The following MACROD2 variants were observed in gnomAD, a reference collection of about 807,000 sequenced individuals.
MACROD2 encodes the protein ADP-ribose glycohydrolase MACROD2.
A neutral mutation model predicts 70.4 loss-of-function variants in MACROD2; 36 were observed. That is an observed-to-expected ratio of 0.51 (90% CI 0.39 to 0.68). The LOEUF (loss-of-function observed/expected upper bound fraction) is 0.68. Ranked by LOEUF, MACROD2 falls within the 30% of genes least tolerant of loss-of-function variation. The pLI, the probability that MACROD2 is intolerant of heterozygous loss-of-function variation, is 0.00. For missense variants in MACROD2, 496 were observed against 538.4 expected (o/e 0.92, Z 0.78); for synonymous variants, 172 against 178.8 (o/e 0.96, Z 0.30).
intron 5 of MACROD2, among the ~76,000 whole-genome samples, chr20:15,105,571 G>A (rs926890266): frequency 1.3e-5 from 2 of 152,068 alleles, no homozygotes; most frequent in Non-Finnish European, 2.9e-5. Flanking sequence ...GGGAACATAT[G>A]TGCCCTCTAA....
At chr20:15,948,793 A>G (rs2065865154) in intron 12 of MACROD2, among the ~76,000 whole-genome samples, 1 of 152,206 alleles carries the variant, frequency 6.6e-6, no homozygotes, top group Non-Finnish European at 1.5e-5. Context: ...TTTCCTTACT[A>G]ATTAAGTATG....
intron 5 of MACROD2, among the ~76,000 whole-genome samples, chr20:14,801,774 T>TCTA (rs1452068622): frequency 1.3e-5 from 2 of 152,076 alleles, no homozygotes; most frequent in Non-Finnish European, 2.9e-5. Flanking sequence ...ACTGGACACC[T>TCTA]CTACTGTTCT....
chr20:15,445,522 A>G (rs889471374), intron 7 of MACROD2, among the ~76,000 whole-genome samples: 1 of 152,186 alleles, frequency 6.6e-6, no homozygotes, highest in Non-Finnish European at 1.5e-5. Flanking sequence ...GTGTTGTAAG[A>G]CAGCAGATTC....
chr20:14,359,726 G>A (rs966774187), intron 3 of MACROD2, among the ~76,000 whole-genome samples: 3 of 152,100 alleles, frequency 2.0e-5, no homozygotes, highest in Non-Finnish European at 4.4e-5. Context: ...GCCTGACATG[G>A]TGGCACACAC....
chr20:14,900,309 A>G (rs562680344), intron 5 of MACROD2, among the ~76,000 whole-genome samples: 1 of 152,226 alleles, frequency 6.6e-6, no homozygotes, highest in East Asian at 1.9e-4. Flanking sequence ...TTAGTATCCG[A>G]ATAATACTGG....
intron 8 of MACROD2, among the ~76,000 whole-genome samples, chr20:15,748,366 TCCTC>T (rs773589941): frequency 8.4e-6 from 1 of 119,498 alleles, no homozygotes. Context: ...CTTCCTTCCT[TCCTC>T]CCTTCCTTCT....
chr20:15,621,882 T>C (rs780900610), intron 8 of MACROD2, among the ~76,000 whole-genome samples: 9 of 152,212 alleles, frequency 5.9e-5, no homozygotes, highest in Non-Finnish European at 8.8e-5. Context: ...CAGGGTTTAA[T>C]TGGGTTTTGT....
chr20:14,230,654 T>TATATATATATATATATATATATATAAAA lies in MACROD2; in HGVS notation c.271+144927_271+144928insTATATATATATATATATATATATAAAAA. ...GTTTATATATATATATATATATATA[T>TATATATATATATATATATATATATAAAA]AACACAGGCTGGGCCTATATATATA... On this transcript the variant is annotated intron_variant, in intron 3 of 17. Transcript: ENST00000684519. Among the ~76,000 whole-genome samples the TATATATATATATATATATATATATAAAA allele has an allele frequency of 2.3e-4, 17 of 74,236 alleles. 1 individual carries two copies. The highest frequency in any genetic ancestry group is 9.4e-4 in the African/African-American group (14 of 14,818). The allele number at this position is 74,236 out of a possible 152,430, so 48.7% of individuals were successfully genotyped here. A position where few individuals can be genotyped will look rare whatever the true frequency, so the allele number is the denominator to read the frequency against.
chr20:14,290,476 G>C lies in MACROD2; in HGVS notation c.272-203003G>C, dbSNP rs146698065. ...CAGCCAACCTCAGATCAAAAGGGAT[G>C]GAATCTCAGGAGACTGACCAAGGTA... On this transcript the variant is annotated intron_variant, in intron 3 of 17. Coordinates refer to ENST00000684519, the MANE Select transcript of MACROD2 (RefSeq NM_001351661.2). Among the ~76,000 whole-genome samples the C allele has an allele frequency of 2.4e-3, 362 of 151,416 alleles. 4 individuals are homozygous for C. Among genetic ancestry groups the C allele is most frequent in the South Asian group, 0.014 (66 of 4,794 alleles).
chr20:14,700,642 A>G (rs2071186342), intron 5 of MACROD2, among the ~76,000 whole-genome samples: 1 of 151,916 alleles, frequency 6.6e-6, no homozygotes, highest in Non-Finnish European at 1.5e-5. Flanking sequence ...ATTTTATTCC[A>G]TTCTATCCAC....
intron 4 of MACROD2, among the ~76,000 whole-genome samples, chr20:14,682,568 C>G (rs1469098429): frequency 6.6e-6 from 1 of 151,734 alleles, no homozygotes; most frequent in Non-Finnish European, 1.5e-5. Flanking sequence ...CTTTTCTAAA[C>G]CTGGCATTTT....
At chr20:14,295,208 A>G (rs908652701) in intron 3 of MACROD2, among the ~76,000 whole-genome samples, 1 of 151,850 alleles carries the variant, frequency 6.6e-6, no homozygotes, top group Non-Finnish European at 1.5e-5. Context: ...AACACTCTTT[A>G]TTACTCTTGG....
chr20:14,382,339 C>T (rs1277920671), intron 3 of MACROD2, among the ~76,000 whole-genome samples: 1 of 138,474 alleles, frequency 7.2e-6, no homozygotes, highest in Admixed American at 7.0e-5. Flanking sequence ...GGATTATAGG[C>T]GTGAGCCACC....
At position 14,848,392 on chromosome 20, in the gene MACROD2, A is replaced by G. The variant is rs563989192; in HGVS notation, c.418+163433A>G. Among the ~76,000 whole-genome samples the G allele has an allele frequency of 5.6e-4, 85 of 152,316 alleles. 2 individuals carry two copies. In the South Asian group the frequency reaches 0.015, roughly 27 times the overall value. On this transcript the variant is annotated intron_variant, in intron 5 of 17. Transcript: ENST00000684519. ...CTCTCCTTTTAGATCTTCTCAAGGC[A>G]TCCTCTGAGTTTATAAAACAGAGAG... is the stretch of plus-strand genomic sequence containing the variant.
chr20:14,264,435 A>T (rs931969020), intron 3 of MACROD2, among the ~76,000 whole-genome samples: 1 of 152,176 alleles, frequency 6.6e-6, no homozygotes, highest in African/African-American at 2.4e-5. Context: ...CATACTAGGT[A>T]ATTGAGAGCT....
At chr20:14,582,995 T>A (rs1443693757) in intron 4 of MACROD2, among the ~76,000 whole-genome samples, 1 of 152,096 alleles carries the variant, frequency 6.6e-6, no homozygotes, top group Non-Finnish European at 1.5e-5. Flanking sequence ...GTGCATGTGG[T>A]TGAGTGTGCA....
At chr20:15,026,830 C>T (rs2075235665) in intron 5 of MACROD2, among the ~76,000 whole-genome samples, 1 of 152,154 alleles carries the variant, frequency 6.6e-6, no homozygotes, top group Non-Finnish European at 1.5e-5. Flanking sequence ...CTAGGGCACT[C>T]AGTCTGGAGG....
Position 15,462,394 on chromosome 20 carries a change from T to A in MACROD2, c.571+30959T>A, listed in dbSNP as rs557516554. Among the ~76,000 whole-genome samples the A allele has an allele frequency of 8.3e-4, 127 of 152,330 alleles. No homozygotes were observed. The Middle Eastern group carries it at 0.01, about 12-fold the overall frequency. The stretch of plus-strand genomic sequence containing the variant: ...AACTGATTTAGCCTGAGGAATATAT[T>A]TCAAACTGAAATTTTTATTGTAAAG... On this transcript the variant is annotated intron_variant, in intron 7 of 17. Coordinates refer to ENST00000684519, the MANE Select transcript of MACROD2 (RefSeq NM_001351661.2).
chr20:14,597,445 G>A (rs927220901), intron 4 of MACROD2, among the ~76,000 whole-genome samples: 1 of 152,122 alleles, frequency 6.6e-6, no homozygotes, highest in Middle Eastern at 3.2e-3. Context: ...TGACTTGGAA[G>A]TGTTTATTTA....
Sources: allele counts gnomAD v4.1 joint callset (sites outside exome capture counted in the v4.1 genomes callset), GRCh38; gene constraint gnomAD v4.1.1; transcripts MANE v1.5; gene names NCBI Gene and HGNC (gene_info 2026-07-23, HGNC 2026-07-21).